MKLN1: variants seen among roughly 807,000 people sequenced by gnomAD.
MKLN1 encodes the protein muskelin 1.
MKLN1 carries 18 observed loss-of-function variants against 99.0 expected under a neutral mutation model. The ratio of observed to expected loss-of-function variants is 0.18; its 90% CI spans 0.13 to 0.27. MKLN1 has a LOEUF of 0.27. Ranked by LOEUF, MKLN1 falls within the 10% of genes least tolerant of loss-of-function variation. The pLI is 1.00. For synonymous variants in MKLN1, 288 were observed against 293.2 expected, an observed-to-expected ratio of 0.98 and a Z score of 0.18; for missense variants, 621 against 875.9, an observed-to-expected ratio of 0.71 and a Z score of 3.67.
At chr7:131,156,239 A>C (rs6467357) in intron 2 of MKLN1, among the ~76,000 whole-genome samples, 1 of 152,004 alleles carries the variant, frequency 6.6e-6, no homozygotes, top group African/African-American at 2.4e-5. Flanking sequence ...GAAAGTGACA[A>C]GTATTCGACC....
intron 8 of MKLN1, among the ~76,000 whole-genome samples, chr7:131,420,487 T>C (rs929658368): frequency 6.6e-6 from 1 of 152,118 alleles, no homozygotes; most frequent in Non-Finnish European, 1.5e-5. Flanking sequence ...GGATCCAATA[T>C]GGTAATATGG....
intron 2 of MKLN1, among the ~76,000 whole-genome samples, chr7:131,190,659 G>A (rs1164261936): frequency 6.6e-6 from 1 of 152,084 alleles, no homozygotes; most frequent in Non-Finnish European, 1.5e-5. Context: ...GAGTTGGAGG[G>A]GAATGGGTAT....
intron 1 of MKLN1, among the ~76,000 whole-genome samples, chr7:131,347,881 GAT>G (rs1444688867): frequency 1.3e-5 from 2 of 152,098 alleles, no homozygotes; most frequent in Non-Finnish European, 2.9e-5. Flanking sequence ...TGCAAAAATG[GAT>G]ACCGAATTAT....
At chr7:131,380,907 G>A (rs976529620) in intron 2 of MKLN1, among the ~76,000 whole-genome samples, 1 of 152,138 alleles carries the variant, frequency 6.6e-6, no homozygotes, top group African/African-American at 2.4e-5. Context: ...CTATAAAGTA[G>A]TCATGAACAG....
intron 3 of MKLN1, among the ~76,000 whole-genome samples, chr7:131,210,905 T>A (rs1032879106): frequency 3.3e-5 from 5 of 150,886 alleles, no homozygotes; most frequent in Admixed American, 1.3e-4. Flanking sequence ...AAATAGGAAA[T>A]ACAGTATACT....
At chr7:131,145,895 A>G (rs1795809062) in intron 2 of MKLN1, among the ~76,000 whole-genome samples, 1 of 152,268 alleles carries the variant, frequency 6.6e-6, no homozygotes, top group African/African-American at 2.4e-5. Flanking sequence ...TGCCCCATTC[A>G]CTGGGTACAT....
intron 3 of MKLN1, among the ~76,000 whole-genome samples, chr7:131,260,918 T>C (rs940917083): frequency 6.6e-6 from 1 of 152,164 alleles, no homozygotes; most frequent in Non-Finnish European, 1.5e-5. Flanking sequence ...CAATAAATAG[T>C]GCTGGGATAA....
intron 8 of MKLN1, among the ~76,000 whole-genome samples, chr7:131,417,795 A>G (rs1795064764): frequency 6.6e-6 from 1 of 152,194 alleles, no homozygotes; most frequent in South Asian, 2.1e-4. Flanking sequence ...ATAGAGGGGA[A>G]GACTAGAAGG....
exon 1 of MKLN1, chr7:131,110,193 C>T (rs1795169714): frequency 5.9e-6 from 1 of 168,484 alleles, no homozygotes; most frequent in East Asian, 1.8e-4. Flanking sequence ...GGGGGCCCTC[C>T]CCGCGGGGCA....
intron 3 of MKLN1, among the ~76,000 whole-genome samples, chr7:131,229,200 A>T (rs1182593404): frequency 6.6e-6 from 1 of 151,628 alleles, no homozygotes; most frequent in African/African-American, 2.4e-5. Context: ...TCTGGGGTAC[A>T]TGTGCAGAAT....
intron 1 of MKLN1, among the ~76,000 whole-genome samples, chr7:131,133,815 ATTTGG>A (rs1563226547): frequency 9.7e-5 from 5 of 51,650 alleles, no homozygotes; most frequent in African/African-American, 2.9e-4. Context: ...TTTTTTTTTA[ATTTGG>A]TTTTTTTTTT....
Position 131,445,812 on chromosome 7 carries a change from A to C in MKLN1, c.1434A>C (p.Ser478=). Reference sequence around the variant, plus strand: ...TATATGTATTTGGTGGCCAGCGATCAAAGACCTATTTGAATGATTTCTTTA... The same window carrying C: ...TATATGTATTTGGTGGCCAGCGATCCAAGACCTATTTGAATGATTTCTTTA... ...RCLYVFGGQR[S]KTYLNDFFSY... is the part of the protein sequence containing the mutation. Residue 478 remains serine, a synonymous_variant, in exon 12 of 18, where the codon TCA becomes TCC. Transcript: ENST00000352689. The C allele has an allele frequency of 1.2e-6, 2 of 1,609,084 alleles. No individual in the cohort carries two copies. The highest frequency in any genetic ancestry group is 1.7e-6 in the Non-Finnish European group (2 of 1,177,342).
At chr7:131,213,460 A>G (rs779703862) in intron 3 of MKLN1, among the ~76,000 whole-genome samples, 1 of 152,198 alleles carries the variant, frequency 6.6e-6, no homozygotes, top group Non-Finnish European at 1.5e-5. Context: ...GGTGCACACC[A>G]TGTGAGGTTT....
At position 131,206,979 on chromosome 7, in the gene MKLN1, T is replaced by G. The variant is rs572968802; in HGVS notation, c.-179+4005T>G. Among the ~76,000 whole-genome samples the G allele has an allele frequency of 2.6e-5, 4 of 152,262 alleles. No individual in the cohort carries two copies. In the South Asian group the frequency reaches 8.3e-4, roughly 32 times the overall value. On this transcript the variant is annotated intron_variant, in intron 3 of 7. Transcript: ENST00000416992. Reference sequence around the variant, plus strand: ...TAAGGGTCTATGGACGTCTGAGTGGTACTGTCGAGGCTTGGAGCTAGGTGT... The same window carrying G: ...TAAGGGTCTATGGACGTCTGAGTGGGACTGTCGAGGCTTGGAGCTAGGTGT...
At chr7:131,414,438 C>T (rs972717139) in intron 7 of MKLN1, among the ~76,000 whole-genome samples, 6 of 151,830 alleles carry the variant, frequency 4.0e-5, no homozygotes, top group African/African-American at 1.2e-4. Context: ...TCATTAATGT[C>T]CTGAAAGCAT....
chr7:131,205,525 T>C (rs1018113757), intron 3 of MKLN1, among the ~76,000 whole-genome samples: 1 of 152,152 alleles, frequency 6.6e-6, no homozygotes, highest in Non-Finnish European at 1.5e-5. Context: ...ACTTATTCCA[T>C]AGGTTTTGCA....
At chr7:131,207,785 T>C (rs1227654586) in intron 3 of MKLN1, among the ~76,000 whole-genome samples, 1 of 152,140 alleles carries the variant, frequency 6.6e-6, no homozygotes, top group Non-Finnish European at 1.5e-5. Context: ...AGGAAGAGGA[T>C]CTATTAATTT....
At chr7:131,478,904 A>T in intron 17 of MKLN1, 1 of 567,086 alleles carries the variant, frequency 1.8e-6, no homozygotes, top group Non-Finnish European at 3.1e-6. Flanking sequence ...CTGTGTTAGT[A>T]TGCAAACAGA....
intron 1 of MKLN1, among the ~76,000 whole-genome samples, chr7:131,111,028 A>G (rs906491536): frequency 6.6e-6 from 1 of 152,198 alleles, no homozygotes; most frequent in Admixed American, 6.6e-5. Context: ...ACGTAGGAAC[A>G]TTACTTCCTT....
Sources: allele counts gnomAD v4.1 joint callset (sites outside exome capture counted in the v4.1 genomes callset), GRCh38; gene constraint gnomAD v4.1.1; transcripts MANE v1.5; gene names NCBI Gene and HGNC (gene_info 2026-07-23, HGNC 2026-07-21).